Variants in ZNF420 observed in about 807,000 individuals in gnomAD.
ZNF420 encodes the protein ATM and p53-associated KZNF protein.
In ZNF420, 31 loss-of-function variants were observed where a neutral mutation model predicts 44.7. The observed-to-expected ratio is 0.69, with a 90% CI of 0.52 to 0.94. ZNF420 has a LOEUF of 0.94. ZNF420 is among the 40% of genes least tolerant of loss of function. ZNF420 has a pLI of 0.00. For synonymous variants in ZNF420, 245 were observed against 267.4 expected (o/e 0.92, Z 0.82); for missense variants, 681 against 827.9 (o/e 0.82, Z 2.18).
At chr19:37,050,325 A>G (rs1425602831) in intron 1 of ZNF420, among the ~76,000 whole-genome samples, 1 of 152,108 alleles carries the variant, frequency 6.6e-6, no homozygotes, top group Non-Finnish European at 1.5e-5. Context: ...CATTTTCATG[A>G]TATTGATTCT....
intron 1 of ZNF420, among the ~76,000 whole-genome samples, chr19:37,033,504 A>G (rs944259254): frequency 2.6e-5 from 4 of 152,304 alleles, no homozygotes; most frequent in South Asian, 2.1e-4. Context: ...TCTTATGTCA[A>G]GGTTCATCCA....
rs529770701 is a variant in ZNF420 at position 37,105,346 on chromosome 19, C to T, written c.136+14225C>T. Among the ~76,000 whole-genome samples the T allele has an allele frequency of 5.1e-4, 77 of 152,212 alleles. 1 individual carries two copies. The South Asian group carries it at 0.015, about 30-fold the overall frequency. On this transcript the variant is annotated intron_variant, in intron 4 of 4. Coordinates refer to ENST00000337995, the MANE Select transcript of ZNF420 (RefSeq NM_144689.5). ...TTATTTCTGAGGGCTCTGTTCTGTT[C>T]CATTGATCTATATCTCTGTTTTGGT... is the stretch of plus-strand genomic sequence containing the variant.
At chr19:37,117,849 G>T (rs551099135) in intron 4 of ZNF420, among the ~76,000 whole-genome samples, 1 of 152,206 alleles carries the variant, frequency 6.6e-6, no homozygotes, top group African/African-American at 2.4e-5. Flanking sequence ...GAGCCGACAC[G>T]ATCAACTGGA....
rs766535935 is a variant in ZNF420 at position 37,128,661 on chromosome 19, A to C, written c.1670A>C (p.Lys557Thr). Residue 557 changes from lysine to threonine, a missense_variant, in exon 5 of 5, where the codon AAA (lysine) becomes ACA (threonine). This residue lies in a region of ZNF420 where 280 missense variants were observed against 338.6 expected (regional missense o/e 0.83). Transcript: ENST00000337995. ...CATCAGAGAATTCATACTGGTGAGA[A>C]ACCATATCAATGTAAGGAATGTGGG... is the stretch of plus-strand genomic sequence containing the variant. Reference protein sequence around the residue: ...IQHQRIHTGEKPYQCKECGKA... With the variant: ...IQHQRIHTGETPYQCKECGKA... 13 of 1,614,066 alleles carry C rather than the reference A, an allele frequency of 8.1e-6. No homozygotes were observed. Among genetic ancestry groups the C allele is most frequent in the Non-Finnish European group, 1.0e-5 (12 of 1,180,014 alleles).
intron 1 of ZNF420, among the ~76,000 whole-genome samples, chr19:37,047,495 A>G (rs1419895846): frequency 6.6e-6 from 1 of 152,192 alleles, no homozygotes; most frequent in Non-Finnish European, 1.5e-5. Context: ...ACTTTGAGAA[A>G]TACATTTCTG....
chr19:37,010,231 G>C (rs938511542), intron 1 of ZNF420, among the ~76,000 whole-genome samples: 1 of 152,190 alleles, frequency 6.6e-6, no homozygotes. Flanking sequence ...TCGAAAGGAC[G>C]GTCTCTGGAT....
chr19:37,105,917 TAAG>T (rs1970053019), intron 4 of ZNF420, among the ~76,000 whole-genome samples: 1 of 152,216 alleles, frequency 6.6e-6, no homozygotes, highest in African/African-American at 2.4e-5. Context: ...CTTATCAGCT[TAAG>T]GAGATTTCGG....
chr19:37,038,319 C>T (rs1165759058), intron 1 of ZNF420, among the ~76,000 whole-genome samples: 2 of 152,184 alleles, frequency 1.3e-5, no homozygotes, highest in South Asian at 2.1e-4. Flanking sequence ...TTGATGGCTA[C>T]TGACTTATTG....
intron 1 of ZNF420, among the ~76,000 whole-genome samples, chr19:37,013,627 A>T (rs2074588434): frequency 6.6e-6 from 1 of 152,158 alleles, no homozygotes; most frequent in South Asian, 2.1e-4. Context: ...CCACCCATTG[A>T]GCAGGAATGG....
chr19:37,103,980 C>CT (rs59756045), intron 4 of ZNF420, among the ~76,000 whole-genome samples: 9,921 of 139,162 alleles, frequency 0.071, 383 homozygotes, highest in East Asian at 0.17. Context: ...TTTTTTTTGT[C>CT]TTTTTTTTTT....
upstream of ZNF420, among the ~76,000 whole-genome samples, chr19:37,077,415 T>C (rs548827432): frequency 1.3e-5 from 2 of 152,292 alleles, no homozygotes; most frequent in Non-Finnish European, 2.9e-5. Flanking sequence ...GATATCTACT[T>C]TTGGCCTGCT....
Position 37,127,121 on chromosome 19 carries a change from C to T in ZNF420, c.137-7C>T, listed in dbSNP as rs755176690. 10 of 1,450,254 alleles carry T rather than the reference C, an allele frequency of 6.9e-6. No individual in the cohort carries two copies. The highest frequency in any genetic ancestry group is 9.1e-6 in the Non-Finnish European group (10 of 1,098,876). 89.8% of individuals were successfully genotyped at this position (1,450,254 alleles called of 1,614,324 possible). A position where few individuals can be genotyped will look rare whatever the true frequency, so the allele number is the denominator to read the frequency against. ...TCTCAATTTTTTTATTCTCTCTTAT[C>T]TTTCAGACTTGCCTTCAAGGTGTGC... On this transcript the variant is annotated splice_polypyrimidine_tract_variant and splice_region_variant and intron_variant, in intron 4 of 4. Transcript: ENST00000337995.
intron 1 of ZNF420, among the ~76,000 whole-genome samples, chr19:37,041,573 C>T (rs1440955156): frequency 6.6e-6 from 1 of 152,134 alleles, no homozygotes; most frequent in Non-Finnish European, 1.5e-5. Flanking sequence ...AATCTGTCTT[C>T]TCAAGATGAT....
In ZNF420 at chr19:37,127,485, A is replaced by C. The variant is rs774063050; in HGVS notation, c.494A>C (p.Lys165Thr). 2 of 1,613,946 alleles carry C rather than the reference A, an allele frequency of 1.2e-6. No individual in the cohort carries two copies. The highest frequency in any genetic ancestry group is 2.7e-5 in the African/African-American group (2 of 74,930). ...TQHQSIHTGE[K>T]PYECKQCGKA... Reference sequence around the variant, plus strand: ...CATCAAAGTATTCATACTGGTGAAAAACCCTATGAATGTAAGCAATGCGGG... The same window carrying C: ...CATCAAAGTATTCATACTGGTGAAACACCCTATGAATGTAAGCAATGCGGG... The change falls in exon 5 of 5, where the codon AAA (lysine) becomes ACA (threonine). Residue 165 changes from lysine to threonine, a missense_variant. Coordinates refer to ENST00000337995, the MANE Select transcript of ZNF420 (RefSeq NM_144689.5).
intron 4 of ZNF420, among the ~76,000 whole-genome samples, chr19:37,112,779 G>A (rs1209373833): frequency 1.3e-5 from 2 of 152,128 alleles, no homozygotes; most frequent in Admixed American, 1.3e-4. Context: ...ATTGAATTTC[G>A]ACTTTGTAGT....
chr19:37,016,852 C>T lies in ZNF420; in HGVS notation c.-125+8770C>T, dbSNP rs138624142. On this transcript the variant is annotated intron_variant, in intron 1 of 4. Coordinates refer to the ZNF420 transcript ENST00000587029. ...GGCTCTATGGGACTTGGGTTGTTTC[C>T]AAGTCTGAAGCAAGATGACTGCTGG... is the stretch of plus-strand genomic sequence containing the variant. Among the ~76,000 whole-genome samples the T allele has an allele frequency of 2.2e-3, 328 of 152,234 alleles. 3 individuals are homozygous for T. The highest frequency in any genetic ancestry group is 7.5e-3 in the African/African-American group (311 of 41,540).
chr19:37,040,046 G>C (rs1967425017), intron 1 of ZNF420, among the ~76,000 whole-genome samples: 1 of 152,080 alleles, frequency 6.6e-6, no homozygotes, highest in African/African-American at 2.4e-5. Flanking sequence ...AAGCTCTGAA[G>C]CCAGGCATGG....
chr19:37,059,915 G>T (rs1054399677), intron 1 of ZNF420, among the ~76,000 whole-genome samples: 1 of 151,888 alleles, frequency 6.6e-6, no homozygotes, highest in Non-Finnish European at 1.5e-5. Context: ...CCCTCTGTCT[G>T]TATGTGTGTG....
intron 1 of ZNF420, among the ~76,000 whole-genome samples, chr19:37,030,656 T>G (rs1240958786): frequency 6.6e-6 from 1 of 152,190 alleles, no homozygotes; most frequent in East Asian, 1.9e-4. Context: ...AGTATGCAGG[T>G]GCCATACACA....
Sources: allele counts gnomAD v4.1 joint callset (sites outside exome capture counted in the v4.1 genomes callset), GRCh38; gene constraint gnomAD v4.1.1; regional missense constraint gnomAD v4.1.1; transcripts MANE v1.5; gene names NCBI Gene and HGNC (gene_info 2026-07-23, HGNC 2026-07-21).